Variants in POFUT1 observed in about 807,000 individuals in gnomAD.
POFUT1 encodes the protein protein O-fucosyltransferase 1.
POFUT1 carries 16 observed loss-of-function variants against 42.4 expected under a neutral mutation model. That is an observed-to-expected ratio of 0.38 (90% CI 0.26 to 0.57). POFUT1 has a LOEUF of 0.57. Among genes scored for constraint, POFUT1 ranks in the 20% least tolerant of loss-of-function variants. The pLI, the probability that POFUT1 is intolerant of heterozygous loss-of-function variation, is 0.71. For missense variants in POFUT1, 470 were observed against 504.6 expected, an observed-to-expected ratio of 0.93 and a Z score of 0.66; for synonymous variants, 206 against 205.4, an observed-to-expected ratio of 1.00 and a Z score of -0.03.
chr20:32,231,711 G>C (rs2047444733), intron 6 of POFUT1, among the ~76,000 whole-genome samples: 1 of 152,190 alleles, frequency 6.6e-6, no homozygotes, highest in African/African-American at 2.4e-5. Flanking sequence ...CTATCTCATA[G>C]GGCAGTTGTG....
chr20:32,208,648 C>CAAAAAAA (rs67714814), intron 1 of POFUT1, among the ~76,000 whole-genome samples: 2 of 93,608 alleles, frequency 2.1e-5, no homozygotes, highest in African/African-American at 9.0e-5. Context: ...AATCCAATCT[C>CAAAAAAA]AAAAAAAAAA....
chr20:32,217,500 A>C (rs1452363525), intron 4 of POFUT1: 2 of 989,370 alleles, frequency 2.0e-6, no homozygotes, highest in Non-Finnish European at 2.4e-6. Context: ...TAATCCCAGC[A>C]CTTTGGGAGG....
chr20:32,223,225 C>T (rs565662434), intron 4 of POFUT1: 1,428 of 985,424 alleles, frequency 1.4e-3, no homozygotes, highest in Middle Eastern at 3.1e-3. Flanking sequence ...AAGGGCCTGA[C>T]CAAGGGTGAG....
rs753367481 is a variant in POFUT1 at position 32,225,476 on chromosome 20, C to T, written c.543-2787C>T. On this transcript the variant is annotated intron_variant, in intron 4 of 6. Coordinates refer to ENST00000375749, the MANE Select transcript of POFUT1 (RefSeq NM_015352.2). ...TTCTAGGATTACAGGCGTGAGCCAC[C>T]GCGCCCGGTCAACTTTTTTAAATTT... Among the ~76,000 whole-genome samples, 83 of 151,410 alleles carry T rather than the reference C, an allele frequency of 5.5e-4. 2 individuals carry two copies. The highest frequency in any genetic ancestry group is 2.1e-4 in the South Asian group (1 of 4,802).
rs536758725 is a variant in POFUT1, at chr20:32,223,065, A to G, written c.543-5198A>G. 111 of 985,408 alleles carry G rather than the reference A, an allele frequency of 1.1e-4. No individual in the cohort carries two copies. The African/African-American group carries it at 1.5e-3, about 13-fold the overall frequency. The allele number at this position is 985,408 out of a possible 1,614,324, so 61.0% of individuals were successfully genotyped here. On this transcript the variant is annotated intron_variant, in intron 4 of 6. Transcript: ENST00000375749. ...CATCCACTGGTGGTCCCACAGATAC[A>G]TACTGGACACATAAATGGATGCTGT...
intron 6 of POFUT1, among the ~76,000 whole-genome samples, chr20:32,233,402 G>A (rs1335727403): frequency 2.0e-5 from 3 of 152,180 alleles, no homozygotes; most frequent in East Asian, 1.9e-4. Context: ...TGAGGAGGGC[G>A]GGAGCCTGGG....
At chr20:32,216,852 G>C in intron 4 of POFUT1, 131 bp downstream of exon 4, 1 of 1,448,656 alleles carries the variant, frequency 6.9e-7, no homozygotes. Context: ...TGCTCTGTCT[G>C]TTGAACTTGG....
intron 5 of POFUT1, among the ~76,000 whole-genome samples, chr20:32,229,135 G>T (rs763441951): frequency 5.3e-5 from 8 of 152,160 alleles, no homozygotes; most frequent in Non-Finnish European, 1.0e-4. Context: ...TCTTATGAGT[G>T]GCTCCAACCA....
At chr20:32,221,186 A>C (rs180693817) in intron 4 of POFUT1, among the ~76,000 whole-genome samples, 1 of 152,296 alleles carries the variant, frequency 6.6e-6, no homozygotes, top group African/African-American at 2.4e-5. Context: ...AGTAGGGATG[A>C]ATTTGAATGT....
chr20:32,234,610 G>T lies in POFUT1; in HGVS notation c.1116G>T (p.Pro372=). 1 of 1,613,774 alleles carries T rather than the reference G, an allele frequency of 6.2e-7. No individual in the cohort carries two copies. Among genetic ancestry groups the T allele is most frequent in the Non-Finnish European group, 8.5e-7 (1 of 1,179,814 alleles). Residue 372 remains proline, a synonymous_variant, in exon 7 of 7, where the codon CCG becomes CCT. Transcript: ENST00000375749. ...VKRERDLQGR[P]SSFFGMDRPP... ...GGGAGCGGGACCTCCAGGGGAGGCC[G>T]TCTTCTTTCTTCGGCATGGACAGGC... is the stretch of plus-strand genomic sequence containing the variant.
chr20:32,235,167 C>G lies in POFUT1; in HGVS notation c.*506C>G, dbSNP rs936068721. On this transcript the variant is annotated 3_prime_UTR_variant, in exon 7 of 7. Coordinates refer to ENST00000375749, the MANE Select transcript of POFUT1 (RefSeq NM_015352.2). Reference sequence around the variant, plus strand: ...TTTTGGCTGCTTTTCAAGGTGTCCCCCAATGTGGCCCTCAAGAGCCATCCC... The same window carrying G: ...TTTTGGCTGCTTTTCAAGGTGTCCCGCAATGTGGCCCTCAAGAGCCATCCC... 1 of 153,448 alleles carries G rather than the reference C, an allele frequency of 6.5e-6. No individual in the cohort carries two copies. Among genetic ancestry groups the G allele is most frequent in the Non-Finnish European group, 1.5e-5 (1 of 68,666 alleles). 9.5% of individuals were successfully genotyped at this position (153,448 alleles called of 1,614,324 possible).
intron 5 of POFUT1, 67 bp from the exon 6 acceptor site, chr20:32,230,752 A>C: frequency 6.4e-7 from 1 of 1,574,160 alleles, no homozygotes; most frequent in Non-Finnish European, 8.6e-7. Context: ...TTTTCCACTT[A>C]CCAGGTCTTG....
chr20:32,220,991 GCA>G (rs1479397473), intron 4 of POFUT1, among the ~76,000 whole-genome samples: 2 of 152,150 alleles, frequency 1.3e-5, no homozygotes, highest in Admixed American at 6.5e-5. Context: ...CTGGAAACCG[GCA>G]CAGTGTCACT....
In POFUT1 at chr20:32,237,469, GAA is replaced by G. The variant is rs148042194; in HGVS notation, c.*2811_*2812del. The stretch of plus-strand genomic sequence containing the variant: ...AGGGAGGGAGCACATTCCTGGCAGA[GAA>G]AACAGCACGTGCAAAGGCCCCGAGA... On this transcript the variant is annotated 3_prime_UTR_variant, in exon 7 of 7. Coordinates refer to ENST00000375749, the MANE Select transcript of POFUT1 (RefSeq NM_015352.2). 7.8e-3 allele frequency: 1,559 copies of G among 200,828 alleles called. 30 individuals are homozygous for G. The highest frequency in any genetic ancestry group is 0.033 in the African/African-American group (1,460 of 44,260). The allele number at this position is 200,828 out of a possible 1,614,324, so 12.4% of individuals were successfully genotyped here.
intron 1 of POFUT1, 47 bp downstream of exon 1, chr20:32,208,112 G>A (rs1008842715): frequency 6.6e-7 from 1 of 1,521,564 alleles, no homozygotes; most frequent in Non-Finnish European, 8.8e-7. Flanking sequence ...CTGAGGCCGG[G>A]AGAGGAAAAG....
At chr20:32,217,293 A>G in intron 4 of POFUT1, 1 of 1,357,016 alleles carries the variant, frequency 7.4e-7, no homozygotes, top group East Asian at 2.7e-5. Context: ...GTTTTCTAGG[A>G]GCTATGGTCT....
At position 32,208,300 on chromosome 20, in the gene POFUT1, T is replaced by C. The variant is rs6121388; in HGVS notation, c.124+235T>C. ...GCTGGGAGAGGTTACGTGACTTGCTTGAGGTCTAAGCCAGTCCAGGGTCCA... is the reference window on the plus strand; with the variant it reads ...GCTGGGAGAGGTTACGTGACTTGCTCGAGGTCTAAGCCAGTCCAGGGTCCA... On this transcript the variant is annotated intron_variant, in intron 1 of 6. Coordinates refer to ENST00000375749, the MANE Select transcript of POFUT1 (RefSeq NM_015352.2). Among the ~76,000 whole-genome samples the C allele has an allele frequency of 0.27, 41,203 of 152,024 alleles. 8,598 individuals carry two copies. The highest frequency in any genetic ancestry group is 0.58 in the African/African-American group (24,007 of 41,434).
intron 5 of POFUT1, among the ~76,000 whole-genome samples, chr20:32,230,384 C>G (rs1466811610): frequency 8.4e-6 from 1 of 118,916 alleles, no homozygotes; most frequent in Non-Finnish European, 1.6e-5. Context: ...AAGACTCCCT[C>G]TCAAAAAAAA....
chr20:32,210,133 C>T lies in POFUT1; in HGVS notation c.187C>T (p.Arg63Cys), dbSNP rs1386534847. 2.5e-6 allele frequency: 4 copies of T among 1,613,986 alleles called. No individual in the cohort carries two copies. Among genetic ancestry groups the T allele is most frequent in the East Asian group, 2.2e-5 (1 of 44,900 alleles). Residue 63 changes from arginine to cysteine, a missense_variant, in exon 2 of 7, where the codon CGT becomes TGT. Arg to Cys is a radical substitution (Grantham distance 180). Coordinates refer to ENST00000375749, the MANE Select transcript of POFUT1 (RefSeq NM_015352.2). ...TCTGGCATTTGCAAAGCTGCTAAAC[C>T]GTACCTTGGCTGTCCCTCCTTGGAT... ...GSLAFAKLLN[R>C]TLAVPPWIEY...
Sources: allele counts gnomAD v4.1 joint callset (sites outside exome capture counted in the v4.1 genomes callset), GRCh38; gene constraint gnomAD v4.1.1; transcripts MANE v1.5; gene names NCBI Gene and HGNC (gene_info 2026-07-23, HGNC 2026-07-21).